The following SOCS2 variants were observed in gnomAD, a reference collection of about 807,000 sequenced individuals.
The protein encoded by SOCS2 is suppressor of cytokine signaling 2.
SOCS2 carries 10 observed loss-of-function variants against 18.6 expected under a neutral mutation model. The ratio of observed to expected loss-of-function variants is 0.54; its 90% CI spans 0.33 to 0.91. The LOEUF is 0.91. Among genes scored for constraint, SOCS2 ranks in the 40% least tolerant of loss-of-function variants. The probability of loss-of-function intolerance (pLI) is 0.02; values close to 1 mark genes in which losing one functional copy is unlikely to be tolerated. For synonymous variants in SOCS2, 104 were observed against 104.0 expected (o/e 1.00, Z 0.00); for missense variants, 231 against 247.2 (o/e 0.93, Z 0.44).
chr12:93,624,837 A>G, the SOCS2 span, among the ~76,000 whole-genome samples: 1 of 152,218 alleles, frequency 6.6e-6, no homozygotes, highest in Non-Finnish European at 1.5e-5. Context: ...CTGATTTCAT[A>G]CTAAAGATAG....
At chr12:93,587,005 T>TA (rs1436512138), downstream of SOCS2, among the ~76,000 whole-genome samples, 3 of 152,234 alleles carry the variant, frequency 2.0e-5, no homozygotes, top group Admixed American at 2.0e-4. Flanking sequence ...CTGTTTCTAC[T>TA]AAAATTACAA....
the SOCS2 span, among the ~76,000 whole-genome samples, chr12:93,614,608 TTTCTTTCTTTCTTTCTTTC>T: frequency 8.0e-6 from 1 of 124,726 alleles, no homozygotes; most frequent in Non-Finnish European, 1.6e-5. Flanking sequence ...TCTTTCTTTC[TTTCTTTCTTTCTTTCTTTC>T]TTTCTTTTGA....
chr12:93,621,686 G>T, the SOCS2 span, among the ~76,000 whole-genome samples: 1 of 152,092 alleles, frequency 6.6e-6, no homozygotes, highest in Admixed American at 6.5e-5. Flanking sequence ...GTCTCACTAT[G>T]CTGTTCAGGC....
the SOCS2 span, among the ~76,000 whole-genome samples, chr12:93,625,715 TC>T: frequency 1.6e-5 from 2 of 127,076 alleles, no homozygotes; most frequent in Non-Finnish European, 3.1e-5. Flanking sequence ...GCCACTGCAC[TC>T]CAGCCTGGGC....
the SOCS2 span, among the ~76,000 whole-genome samples, chr12:93,605,416 G>T: frequency 1.3e-5 from 2 of 152,108 alleles, no homozygotes; most frequent in African/African-American, 4.8e-5. Context: ...TCAGAAATTG[G>T]GTGGATGAGG....
In SOCS2 at chr12:93,573,197, G is replaced by A. The variant is rs570762756; in HGVS notation, c.139+161G>A. The A allele has an allele frequency of 2.3e-4, 211 of 916,254 alleles. No homozygotes were observed. The African/African-American group carries it at 2.8e-3, about 12-fold the overall frequency. The allele number at this position is 916,254 out of a possible 1,614,324, so 56.8% of individuals were successfully genotyped here. ...CGCTCGCAGGGTCCTGGGTCCTTGG[G>A]AATGCGTAAGGAAAGTGGTTCTCCA... On this transcript the variant is annotated intron_variant, in intron 1 of 1. Coordinates refer to ENST00000551556, the MANE Select transcript of SOCS2 (RefSeq NM_001270471.2).
chr12:93,599,880 T>G, the SOCS2 span, among the ~76,000 whole-genome samples: 3 of 152,200 alleles, frequency 2.0e-5, no homozygotes, highest in Non-Finnish European at 2.9e-5. Context: ...CCCATAGAAG[T>G]GTGAGAAATA....
intron 1 of SOCS2, chr12:93,583,009 T>G (rs374793811): frequency 6.6e-6 from 1 of 151,928 alleles, no homozygotes; most frequent in Non-Finnish European, 1.5e-5. Flanking sequence ...TGTTTTTTTT[T>G]TTTTTTTTCA....
chr12:93,584,724 C>T (rs59730232), downstream of SOCS2, among the ~76,000 whole-genome samples: 299 of 152,152 alleles, frequency 2.0e-3, no homozygotes, highest in African/African-American at 6.9e-3. Flanking sequence ...AATTATCCAG[C>T]TTGGAAGAGT....
chr12:93,613,695 T>G, the SOCS2 span, among the ~76,000 whole-genome samples: 13 of 152,200 alleles, frequency 8.5e-5, no homozygotes. Context: ...CTGAATATAG[T>G]TAACAATTGA....
the SOCS2 span, among the ~76,000 whole-genome samples, chr12:93,612,982 A>G: frequency 6.6e-5 from 10 of 152,066 alleles, no homozygotes; most frequent in Non-Finnish European, 7.4e-5. Context: ...GTAGCTAAGG[A>G]GTGAGGAGGA....
downstream of SOCS2, among the ~76,000 whole-genome samples, chr12:93,580,495 C>A (rs1162189965): frequency 6.6e-6 from 1 of 151,860 alleles, no homozygotes; most frequent in Non-Finnish European, 1.5e-5. Context: ...GTGGCGCACA[C>A]CTATAGTCCC....
At chr12:93,576,912 C>T (rs1346997534), downstream of SOCS2, among the ~76,000 whole-genome samples, 2 of 152,156 alleles carry the variant, frequency 1.3e-5, no homozygotes, top group Non-Finnish European at 2.9e-5. Flanking sequence ...CATTTGGGGT[C>T]GGATCTATGA....
the SOCS2 span, among the ~76,000 whole-genome samples, chr12:93,611,929 C>G: frequency 1.7e-3 from 257 of 152,116 alleles, no homozygotes; most frequent in African/African-American, 5.9e-3. Flanking sequence ...CTTTACAACT[C>G]CTCCCTCTGC....
the SOCS2 span, among the ~76,000 whole-genome samples, chr12:93,610,380 C>T: frequency 2.6e-5 from 4 of 152,064 alleles, no homozygotes; most frequent in Non-Finnish European, 5.9e-5. Flanking sequence ...TCCTGGACCC[C>T]CACCTTTAGA....
rs762853257 is a variant in SOCS2, at chr12:93,572,944, C to T, written c.47C>T (p.Thr16Met). The change falls in exon 1 of 2, where the codon ACG becomes ATG. Residue 16 changes from threonine (T) to methionine (M), a missense_variant. Coordinates refer to ENST00000551556, the MANE Select transcript of SOCS2 (RefSeq NM_001270471.2). The surrounding 1 kb of genome is among the most constrained non-coding windows in gnomAD (Gnocchi z 5.0). ...CCCTCCGGGAATGGCGGGGAAGGGA[C>T]GCGGAGCCAGTGGGGGACCGCGGGG... ...LEPSGNGGEG[T>M]RSQWGTAGSA... is the part of the protein sequence containing the mutation. The T allele has an allele frequency of 6.4e-7, 1 of 1,568,990 alleles. No homozygotes were observed. The highest frequency in any genetic ancestry group is 1.4e-5 in the African/African-American group (1 of 73,862).
At chr12:93,614,618 T>C in the SOCS2 span, among the ~76,000 whole-genome samples, 6 of 131,760 alleles carry the variant, frequency 4.6e-5, no homozygotes, top group East Asian at 1.0e-3. Flanking sequence ...TTTCTTTCTT[T>C]CTTTCTTTCT....
At chr12:93,587,480 G>C (rs1436717170), downstream of SOCS2, among the ~76,000 whole-genome samples, 1 of 152,042 alleles carries the variant, frequency 6.6e-6, no homozygotes, top group Non-Finnish European at 1.5e-5. Flanking sequence ...AGGAGATCGA[G>C]ACCATCCTGG....
At chr12:93,614,539 CCTTCTTTCTTTCTTT>C in the SOCS2 span, among the ~76,000 whole-genome samples, 7 of 82,522 alleles carry the variant, frequency 8.5e-5, no homozygotes, top group Admixed American at 4.4e-4. Flanking sequence ...TTCCTTCCTT[CCTTCTTTCTTTCTTT>C]CTTTCTTTCT....
Sources: gnomAD v4.1 joint callset for allele counts (sites outside exome capture counted in the v4.1 genomes callset) on GRCh38, gnomAD v4.1.1 for gene constraint, Gnocchi (gnomAD v3.1) non-coding constraint, MANE v1.5 for transcripts, NCBI Gene and HGNC (gene_info 2026-07-23, HGNC 2026-07-21) for gene names.